The following LRRC17 variants were observed in gnomAD, a reference collection of about 807,000 sequenced individuals.
LRRC17 encodes the protein leucine rich repeat containing 17.
In LRRC17, 33 loss-of-function variants were observed where a neutral mutation model predicts 41.5. The ratio of observed to expected loss-of-function variants is 0.80; its 90% CI spans 0.60 to 1.06. The LOEUF is 1.06. Ranked by LOEUF, LRRC17 falls within the 50% of genes least tolerant of loss-of-function variation. LRRC17 has a pLI of 0.00. For synonymous variants in LRRC17, 192 were observed against 197.0 expected, an observed-to-expected ratio of 0.97 and a Z score of 0.21; for missense variants, 491 against 519.3, an observed-to-expected ratio of 0.95 and a Z score of 0.53.
At chr7:102,931,543 T>C (rs1011641641) in intron 1 of LRRC17, among the ~76,000 whole-genome samples, 32 of 152,202 alleles carry the variant, frequency 2.1e-4, no homozygotes, top group African/African-American at 7.2e-4. Context: ...TTGGCACAGC[T>C]GTTGATAGCC....
At chr7:102,940,910 G>A (rs550273929) in intron 3 of LRRC17, among the ~76,000 whole-genome samples, 2 of 152,288 alleles carry the variant, frequency 1.3e-5, no homozygotes, top group South Asian at 2.1e-4. Flanking sequence ...ATAATGTAAT[G>A]TAATGTTATA....
At chr7:102,922,116 C>G (rs758673058) in intron 1 of LRRC17, among the ~76,000 whole-genome samples, 1 of 150,694 alleles carries the variant, frequency 6.6e-6, no homozygotes, top group African/African-American at 2.4e-5. Flanking sequence ...CTTGAGCCCG[C>G]GAGGCGGAGG....
chr7:102,925,949 A>T (rs927768277), intron 1 of LRRC17, among the ~76,000 whole-genome samples: 3 of 152,056 alleles, frequency 2.0e-5, no homozygotes, highest in South Asian at 2.1e-4. Flanking sequence ...TCAAAAAAAA[A>T]AAAAAAAAAA....
At chr7:102,914,003 A>G (rs1300309410) in intron 1 of LRRC17, among the ~76,000 whole-genome samples, 4 of 152,168 alleles carry the variant, frequency 2.6e-5, no homozygotes, top group African/African-American at 9.7e-5. Flanking sequence ...AGCCTGTACT[A>G]CCATACGAGG....
Position 102,914,715 on chromosome 7 carries a change from G to A in LRRC17, c.-141+1570G>A, listed in dbSNP as rs145604441. On this transcript the variant is annotated intron_variant, in intron 1 of 3. Coordinates refer to ENST00000339431, the MANE Select transcript of LRRC17 (RefSeq NM_001031692.3). ...CTGTGTACGTGAGATTCGACAGAGC[G>A]AGGGGGAAGGCTTTGGACTCACCAG... 3.7e-3 allele frequency among the ~76,000 whole-genome samples: 570 copies of A among 152,348 alleles called. 5 individuals are homozygous for A. Among genetic ancestry groups the A allele is most frequent in the African/African-American group, 0.013 (561 of 41,580 alleles).
At position 102,944,901 on chromosome 7, in the gene LRRC17, G is replaced by C; in HGVS notation, c.*294G>C. 1 of 252,074 alleles carries C rather than the reference G, an allele frequency of 4.0e-6. No homozygotes were observed. The highest frequency in any genetic ancestry group is 7.4e-6 in the Non-Finnish European group (1 of 134,848). 15.6% of individuals were successfully genotyped at this position (252,074 alleles called of 1,614,324 possible). Reference sequence around the variant, plus strand: ...GACTTTCATAATGTCCTGTATAAATGTTTTTACTGCTTTTAGAAAATAAAG... The same window carrying C: ...GACTTTCATAATGTCCTGTATAAATCTTTTTACTGCTTTTAGAAAATAAAG... On this transcript the variant is annotated 3_prime_UTR_variant, in exon 4 of 4. Coordinates refer to ENST00000339431, the MANE Select transcript of LRRC17 (RefSeq NM_001031692.3).
intron 1 of LRRC17, among the ~76,000 whole-genome samples, chr7:102,927,562 G>C (rs948843485): frequency 7.9e-5 from 12 of 152,208 alleles, no homozygotes; most frequent in African/African-American, 2.9e-4. Flanking sequence ...CACTCAGATA[G>C]GAATTGGTTG....
intron 1 of LRRC17, among the ~76,000 whole-genome samples, chr7:102,918,929 T>C (rs1816453817): frequency 6.6e-6 from 1 of 152,132 alleles, no homozygotes; most frequent in Non-Finnish European, 1.5e-5. Context: ...CACACACACT[T>C]ATATATCATA....
chr7:102,941,736 T>C (rs895403520), intron 3 of LRRC17, among the ~76,000 whole-genome samples: 9 of 150,378 alleles, frequency 6.0e-5, no homozygotes, highest in Non-Finnish European at 1.0e-4. Context: ...AAACAAGTTT[T>C]AAAGCTGTCT....
chr7:102,913,257 T>C (rs1484053012), intron 1 of LRRC17, 112 bp downstream of exon 1: 18 of 1,610,404 alleles, frequency 1.1e-5, no homozygotes, highest in Non-Finnish European at 1.4e-5. Context: ...TATACTTCCG[T>C]TGTTCTCTCA....
chr7:102,935,607 T>TA (rs1820158400), intron 2 of LRRC17, among the ~76,000 whole-genome samples: 1 of 152,204 alleles, frequency 6.6e-6, no homozygotes, highest in African/African-American at 2.4e-5. Context: ...ACATGCAAGA[T>TA]AAAGTCATGA....
chr7:102,929,400 G>T (rs560774566), intron 1 of LRRC17, among the ~76,000 whole-genome samples: 1 of 152,212 alleles, frequency 6.6e-6, no homozygotes, highest in Admixed American at 6.5e-5. Context: ...GGTGTCTCAC[G>T]CCTGTAATCC....
At chr7:102,920,977 C>A (rs1204412139) in intron 1 of LRRC17, among the ~76,000 whole-genome samples, 2 of 151,946 alleles carry the variant, frequency 1.3e-5, no homozygotes, top group African/African-American at 4.8e-5. Flanking sequence ...CATGATGAAA[C>A]CCTGTCGCTA....
chr7:102,940,209 TTTTG>T (rs1445621423), intron 3 of LRRC17, among the ~76,000 whole-genome samples: 7 of 148,910 alleles, frequency 4.7e-5, no homozygotes, highest in East Asian at 2.0e-4. Flanking sequence ...TAGTGACTTT[TTTTG>T]TTTGTTTTTT....
Position 102,944,886 on chromosome 7 carries a change from A to C in LRRC17, c.*279A>C, listed in dbSNP as rs1475133536. ...CTAATGATGGCATTAGACTTTCATA[A>C]TGTCCTGTATAAATGTTTTTACTGC... On this transcript the variant is annotated 3_prime_UTR_variant, in exon 4 of 4. Transcript: ENST00000339431. 1 of 298,106 alleles carries C rather than the reference A, an allele frequency of 3.4e-6. No individual in the cohort carries two copies. Among genetic ancestry groups the C allele is most frequent in the African/African-American group, 2.2e-5 (1 of 46,228 alleles). 18.5% of individuals were successfully genotyped at this position (298,106 alleles called of 1,614,324 possible). A position where few individuals can be genotyped will look rare whatever the true frequency, so the allele number is the denominator to read the frequency against.
At chr7:102,944,041 T>C (rs534248932) in intron 3 of LRRC17, among the ~76,000 whole-genome samples, 169 bp from the exon 4 acceptor site, 1 of 152,286 alleles carries the variant, frequency 6.6e-6, no homozygotes, top group African/African-American at 2.4e-5. Flanking sequence ...GTACTTATAG[T>C]TAAAAGTTTT....
intron 1 of LRRC17, among the ~76,000 whole-genome samples, chr7:102,918,317 G>A (rs1259393464): frequency 6.6e-6 from 1 of 152,132 alleles, no homozygotes; most frequent in Non-Finnish European, 1.5e-5. Context: ...CTAGAAGGAA[G>A]AGCCAAACAA....
chr7:102,933,753 A>G (rs535148774), intron 1 of LRRC17, 21 bp from the exon 2 acceptor site: 1 of 644,004 alleles, frequency 1.6e-6, no homozygotes, highest in African/African-American at 1.8e-5. Context: ...AATTTTTAAT[A>G]TATATTTTTT....
At chr7:102,931,827 A>G (rs1819231905) in intron 1 of LRRC17, 1 of 1,533,690 alleles carries the variant, frequency 6.5e-7, no homozygotes, top group Non-Finnish European at 9.0e-7. Flanking sequence ...TTGGCACCCC[A>G]ATGTAGCAAG....
Sources: gnomAD v4.1 joint callset for allele counts (sites outside exome capture counted in the v4.1 genomes callset) on GRCh38, gnomAD v4.1.1 for gene constraint, MANE v1.5 for transcripts, NCBI Gene and HGNC (gene_info 2026-07-23, HGNC 2026-07-21) for gene names.